The following ARL13B variants were observed in gnomAD, a reference collection of about 807,000 sequenced individuals.
ARL13B encodes ADP-ribosylation factor-like protein 13B.
Under a neutral mutation model 56.1 loss-of-function variants are expected in ARL13B, and 36 were observed. The ratio of observed to expected loss-of-function variants is 0.64; its 90% CI spans 0.49 to 0.85. The LOEUF is 0.85. ARL13B is among the 40% of genes least tolerant of loss of function. The pLI is 0.00. For synonymous variants in ARL13B, 178 were observed against 171.1 expected, an observed-to-expected ratio of 1.04 and a Z score of -0.32; for missense variants, 519 against 507.1, an observed-to-expected ratio of 1.02 and a Z score of -0.23.
chr3:94,013,200 C>A (rs2076255741), intron 3 of ARL13B, among the ~76,000 whole-genome samples: 1 of 152,148 alleles, frequency 6.6e-6, no homozygotes, highest in Admixed American at 6.5e-5. Context: ...GTAAATTTCA[C>A]CTTTCAGAAA....
chr3:94,047,035 A>G (rs1166420281), intron 7 of ARL13B, among the ~76,000 whole-genome samples: 2 of 152,160 alleles, frequency 1.3e-5, no homozygotes, highest in African/African-American at 2.4e-5. Context: ...CTTCATCTCT[A>G]AAATGCAAAT....
intron 9 of ARL13B, among the ~76,000 whole-genome samples, chr3:94,052,638 T>C (rs774187216): frequency 1.3e-5 from 2 of 152,190 alleles, no homozygotes; most frequent in African/African-American, 2.4e-5. Flanking sequence ...AGTGGAGTTA[T>C]GGCTTAGGGC....
chr3:93,981,647 C>G (rs952129683), intron 1 of ARL13B, among the ~76,000 whole-genome samples: 1 of 151,794 alleles, frequency 6.6e-6, no homozygotes, highest in African/African-American at 2.4e-5. Flanking sequence ...TTTGGGAGGC[C>G]GAAGCTGGCC....
At chr3:94,046,701 G>GT (rs1254556087) in intron 7 of ARL13B, among the ~76,000 whole-genome samples, 2 of 151,952 alleles carry the variant, frequency 1.3e-5, no homozygotes, top group African/African-American at 4.8e-5. Flanking sequence ...TTTTTTGTTT[G>GT]TTTTTTAAGG....
chr3:93,995,572 A>G (rs960311829), intron 1 of ARL13B, among the ~76,000 whole-genome samples: 6 of 152,164 alleles, frequency 3.9e-5, no homozygotes, highest in African/African-American at 9.7e-5. Flanking sequence ...TCAGAGTTAG[A>G]TTGTCTCCCT....
At chr3:94,001,141 G>A (rs2076049595) in intron 2 of ARL13B, among the ~76,000 whole-genome samples, 1 of 152,158 alleles carries the variant, frequency 6.6e-6, no homozygotes, top group Non-Finnish European at 1.5e-5. Context: ...GATAGTAGAA[G>A]TAGGAGGAAT....
rs1246380765 is a variant in ARL13B, at chr3:94,053,932, T to G, written c.*669T>G. ...TGACCTAATTTAAAAATAATATATTTTCGAAGTAGTAGATTCTCAGATCTT... is the reference window on the plus strand; with the variant it reads ...TGACCTAATTTAAAAATAATATATTGTCGAAGTAGTAGATTCTCAGATCTT... On this transcript the variant is annotated 3_prime_UTR_variant, in exon 10 of 10. Coordinates refer to ENST00000394222, the MANE Select transcript of ARL13B (RefSeq NM_001174150.2). 2 of 322,864 alleles carry G rather than the reference T, an allele frequency of 6.2e-6. No homozygotes were observed. The highest frequency in any genetic ancestry group is 1.2e-5 in the Non-Finnish European group (2 of 165,968). The allele number at this position is 322,864 out of a possible 1,614,324, so 20.0% of individuals were successfully genotyped here.
chr3:93,991,670 C>A (rs1371828861), intron 1 of ARL13B, among the ~76,000 whole-genome samples: 8 of 152,178 alleles, frequency 5.3e-5, no homozygotes, highest in Non-Finnish European at 1.2e-4. Context: ...CATGTCCGTC[C>A]AATTTATCAT....
chr3:94,037,214 TAATATGTC>T (rs2076784235), intron 5 of ARL13B, among the ~76,000 whole-genome samples: 1 of 152,184 alleles, frequency 6.6e-6, no homozygotes, highest in Admixed American at 6.5e-5. Flanking sequence ...TTATCAGGCT[TAATATGTC>T]AATAACGTTG....
chr3:94,012,552 A>G (rs114596584), intron 3 of ARL13B, among the ~76,000 whole-genome samples: 2,447 of 152,274 alleles, frequency 0.016, 58 homozygotes, highest in African/African-American at 0.053. Flanking sequence ...TCATATCCCA[A>G]TTCACTATGT....
At chr3:93,998,204 C>T (rs1468995619) in intron 2 of ARL13B, among the ~76,000 whole-genome samples, 2 of 152,218 alleles carry the variant, frequency 1.3e-5, no homozygotes, top group Non-Finnish European at 2.9e-5. Context: ...ATGACACCTT[C>T]TTCTAACCTT....
intron 3 of ARL13B, among the ~76,000 whole-genome samples, chr3:94,014,062 A>G (rs2076275289): frequency 6.6e-6 from 1 of 152,188 alleles, no homozygotes; most frequent in East Asian, 1.9e-4. Context: ...AGTCATTACT[A>G]CTTAACACAT....
At chr3:93,982,701 A>G (rs1397462352) in intron 1 of ARL13B, among the ~76,000 whole-genome samples, 2 of 152,228 alleles carry the variant, frequency 1.3e-5, no homozygotes, top group Non-Finnish European at 2.9e-5. Context: ...CTCAATTTGG[A>G]TAACTGTCAA....
chr3:94,021,113 C>T (rs979329684), intron 3 of ARL13B, among the ~76,000 whole-genome samples: 2 of 151,450 alleles, frequency 1.3e-5, no homozygotes, highest in African/African-American at 4.8e-5. Context: ...GAATATTAGA[C>T]GATACTATAG....
chr3:94,027,427 A>T (rs1377616491), intron 3 of ARL13B, among the ~76,000 whole-genome samples: 1 of 152,214 alleles, frequency 6.6e-6, no homozygotes, highest in East Asian at 1.9e-4. Context: ...CTTGTATAAC[A>T]ACATTAAGAT....
intron 7 of ARL13B, among the ~76,000 whole-genome samples, chr3:94,045,102 G>C (rs2076957958): frequency 6.6e-6 from 1 of 152,192 alleles, no homozygotes; most frequent in Non-Finnish European, 1.5e-5. Context: ...TCTGTACTAA[G>C]AAAAATTCTT....
intron 3 of ARL13B, among the ~76,000 whole-genome samples, chr3:94,019,081 C>CT (rs34175007): frequency 1.3e-5 from 2 of 150,908 alleles, no homozygotes; most frequent in African/African-American, 2.4e-5. Flanking sequence ...TCATTCTTGA[C>CT]TTTTTTTTTC....
chr3:94,032,174 G>T (rs976245264), intron 3 of ARL13B, among the ~76,000 whole-genome samples: 4 of 152,096 alleles, frequency 2.6e-5, no homozygotes, highest in Admixed American at 1.3e-4. Context: ...TATCCTATAG[G>T]AGACTAATAA....
At chr3:93,989,940 T>G (rs558039134) in intron 1 of ARL13B, among the ~76,000 whole-genome samples, 8 of 152,324 alleles carry the variant, frequency 5.3e-5, no homozygotes, top group African/African-American at 1.9e-4. Flanking sequence ...CACTTTCAAC[T>G]TCTGGAAAGG....
Sources: gnomAD v4.1 joint callset for allele counts (sites outside exome capture counted in the v4.1 genomes callset) on GRCh38, gnomAD v4.1.1 for gene constraint, MANE v1.5 for transcripts, NCBI Gene and HGNC (gene_info 2026-07-23, HGNC 2026-07-21) for gene names.